The following IDO1 variants were observed in gnomAD, a reference collection of about 807,000 sequenced individuals.
The protein encoded by IDO1 is indoleamine 2,3-dioxygenase 1, also known as indolamine 2,3 dioxygenase.
A neutral mutation model predicts 38.8 loss-of-function variants in IDO1; 35 were observed. That is an observed-to-expected ratio of 0.90 (90% confidence interval 0.69 to 1.20). The LOEUF (loss-of-function observed/expected upper bound fraction) is 1.20. IDO1 is among the 50% of genes most tolerant of loss of function. The pLI is 0.00. For synonymous variants in IDO1, 171 were observed against 170.0 expected, an observed-to-expected ratio of 1.01 and a Z score of -0.05; for missense variants, 509 against 485.1, an observed-to-expected ratio of 1.05 and a Z score of -0.46.
At chr8:39,919,019 C>A in intron 4 of IDO1, 86 bp downstream of exon 4, 2 of 860,224 alleles carry the variant, frequency 2.3e-6, no homozygotes, top group Non-Finnish European at 4.0e-6. Flanking sequence ...TAATTTTGGG[C>A]AGCGCAGCTT....
At chr8:39,919,167 C>T (rs1436600104) in intron 4 of IDO1, 1 of 648,490 alleles carries the variant, frequency 1.5e-6, no homozygotes. Flanking sequence ...CTTAAGTGTT[C>T]AGCTTGAATT....
chr8:39,917,780 C>A, intron 1 of IDO1, 95 bp from the exon 2 acceptor site: 2 of 773,548 alleles, frequency 2.6e-6, no homozygotes, highest in Non-Finnish European at 4.3e-6. Context: ...GGCAACATTG[C>A]ACAGAATGGA....
intron 1 of IDO1, among the ~76,000 whole-genome samples, chr8:39,917,523 G>A (rs1158751121): frequency 6.6e-6 from 1 of 152,160 alleles, no homozygotes; most frequent in Non-Finnish European, 1.5e-5. Flanking sequence ...AAAAACCAAA[G>A]CAGCAGATAA....
At chr8:39,920,235 TTAAG>T (rs1563415650) in intron 5 of IDO1, 121 bp downstream of exon 5, 15 of 705,838 alleles carry the variant, frequency 2.1e-5, no homozygotes, top group Non-Finnish European at 2.4e-5. Flanking sequence ...AAAAAATAAT[TTAAG>T]TGACTATTTA....
chr8:39,925,514 C>G, intron 9 of IDO1, 143 bp downstream of exon 9: 1 of 810,618 alleles, frequency 1.2e-6, no homozygotes, highest in Admixed American at 3.2e-5. Flanking sequence ...ATTTGGTTGC[C>G]ATGATCCCAT....
At chr8:39,918,695 G>A (rs957564290) in intron 3 of IDO1, 120 bp from the exon 4 acceptor site, 37 of 593,374 alleles carry the variant, frequency 6.2e-5, no homozygotes, top group South Asian at 3.4e-4. Flanking sequence ...GCAGTGAGCC[G>A]AGATCCTGCC....
At chr8:39,925,409 T>A in intron 9 of IDO1, 38 bp downstream of exon 9, 1 of 1,569,848 alleles carries the variant, frequency 6.4e-7, no homozygotes, top group Non-Finnish European at 8.7e-7. Flanking sequence ...ATCTCTTATG[T>A]GAATACAATA....
In IDO1 at chr8:39,928,418, T is replaced by C. The variant is rs959271203; in HGVS notation, c.*233T>C. On this transcript the variant is annotated 3_prime_UTR_variant, in exon 10 of 10. Transcript: ENST00000518237. ...TCTTATCATTGGAATAAAATGACAT[T>C]CAATAAATAAAAATGCATAAGATAT... The C allele has an allele frequency of 2.3e-6, 1 of 436,108 alleles. No homozygotes were observed. The highest frequency in any genetic ancestry group is 2.0e-5 in the African/African-American group (1 of 50,308). The allele number at this position is 436,108 out of a possible 1,614,324, so 27.0% of individuals were successfully genotyped here.
At position 39,923,468 on chromosome 8, in the gene IDO1, G is replaced by C; in HGVS notation, c.538-1G>C. 6.5e-7 allele frequency: 1 copy of C among 1,528,302 alleles called. No homozygotes were observed. The highest frequency in any genetic ancestry group is 1.1e-5 in the South Asian group (1 of 89,118). 94.7% of individuals were successfully genotyped at this position (1,528,302 alleles called of 1,614,324 possible). A position where few individuals can be genotyped will look rare whatever the true frequency, so the allele number is the denominator to read the frequency against. On this transcript the variant is annotated splice_acceptor_variant, in intron 6 of 9. Coordinates refer to ENST00000518237, the MANE Select transcript of IDO1 (RefSeq NM_002164.6). LOFTEE classifies it high-confidence loss of function. Reference sequence around the variant, plus strand: ...GTTTGTGTTTTGTTTGTTTGTTTTAGGTAATTCCTACTGTATTCAAGGCAA... The same window carrying C: ...GTTTGTGTTTTGTTTGTTTGTTTTACGTAATTCCTACTGTATTCAAGGCAA...
At position 39,923,562 on chromosome 8, in the gene IDO1, C is replaced by G. The variant is rs1250011298; in HGVS notation, c.631C>G (p.Leu211Val). 1.2e-6 allele frequency: 2 copies of G among 1,611,552 alleles called. No homozygotes were observed. Among genetic ancestry groups the G allele is most frequent in the Non-Finnish European group, 1.7e-6 (2 of 1,177,774 alleles). The part of the protein sequence containing the change: ...LEIASCLEKA[L>V]QVFHQIHDHV... Reference sequence around the variant, plus strand: ...AATAGCTTCTTGCTTGGAGAAAGCCCTTCAAGTGTTTCACCAAATCCACGG... The same window carrying G: ...AATAGCTTCTTGCTTGGAGAAAGCCGTTCAAGTGTTTCACCAAATCCACGG... The change falls in exon 7 of 10, where the codon CTT (leucine) becomes GTT (valine). Residue 211 changes from leucine (L) to valine (V), a missense_variant. Leu to Val is a conservative substitution (Grantham distance 32, BLOSUM62 1). Coordinates refer to ENST00000518237, the MANE Select transcript of IDO1 (RefSeq NM_002164.6).
chr8:39,914,608 A>G (rs928254204), intron 1 of IDO1, among the ~76,000 whole-genome samples: 5 of 152,210 alleles, frequency 3.3e-5, no homozygotes, highest in Non-Finnish European at 5.9e-5. Flanking sequence ...GTTTGCCTTA[A>G]AAACTACATT....
chr8:39,925,429 T>G, intron 9 of IDO1, 58 bp downstream of exon 9: 1 of 1,494,014 alleles, frequency 6.7e-7, no homozygotes, highest in Non-Finnish European at 9.1e-7. Flanking sequence ...AGTATTTGGA[T>G]ATCTACAAAG....
At chr8:39,925,086 C>T in intron 8 of IDO1, 137 bp from the exon 9 acceptor site, 3 of 778,416 alleles carry the variant, frequency 3.9e-6, no homozygotes, top group East Asian at 2.7e-5. Context: ...TGAGCAGGGG[C>T]AAGGGGGTAT....
intron 1 of IDO1, among the ~76,000 whole-genome samples, chr8:39,917,671 G>T (rs1807194172): frequency 6.6e-6 from 1 of 152,220 alleles, no homozygotes; most frequent in Non-Finnish European, 1.5e-5. Flanking sequence ...AGTGTTTGAA[G>T]AGAGAGGAAG....
intron 5 of IDO1, among the ~76,000 whole-genome samples, chr8:39,921,127 A>C (rs1396567485): frequency 6.6e-6 from 1 of 152,240 alleles, no homozygotes; most frequent in Non-Finnish European, 1.5e-5. Flanking sequence ...GTGCGTTATC[A>C]AAGCTGAAGG....
At position 39,918,497 on chromosome 8, in the gene IDO1, G is replaced by A. The variant is rs546824766; in HGVS notation, c.303+290G>A. On this transcript the variant is annotated intron_variant, in intron 3 of 9. Coordinates refer to ENST00000518237, the MANE Select transcript of IDO1 (RefSeq NM_002164.6). ...CTTTAAAACACACATGGGCCTCCCA[G>A]CACTTTGAGAGGCCAAGGCCGGAGG... The A allele has an allele frequency of 1.7e-3, 804 of 462,396 alleles. 2 individuals carry two copies. The highest frequency in any genetic ancestry group is 2.8e-3 in the Non-Finnish European group (720 of 260,854). 28.6% of individuals were successfully genotyped at this position (462,396 alleles called of 1,614,324 possible).
At chr8:39,923,828 C>T (rs751887782) in intron 7 of IDO1, 20 of 291,938 alleles carry the variant, frequency 6.9e-5, no homozygotes, top group Admixed American at 1.0e-4. Flanking sequence ...GCGGTGAAGC[C>T]AGAGTTCCAA....
At chr8:39,919,526 C>G (rs1172513666) in intron 4 of IDO1, among the ~76,000 whole-genome samples, 1 of 152,072 alleles carries the variant, frequency 6.6e-6, no homozygotes, top group East Asian at 1.9e-4. Flanking sequence ...GATTTTTACC[C>G]ATTTAGGCAT....
Position 39,924,734 on chromosome 8 carries a change from A to G in IDO1, c.669A>G (p.Pro223=). Reference sequence around the variant, plus strand: ...ATCTTTTTACAGATCATGTGAACCCAAAAGCATTTTTCAGTGTTCTTCGCA... The same window carrying G: ...ATCTTTTTACAGATCATGTGAACCCGAAAGCATTTTTCAGTGTTCTTCGCA... ...VFHQIHDHVN[P]KAFFSVLRIY... The change falls in exon 8 of 10, where the codon CCA becomes CCG. Residue 223 remains proline (P), a synonymous_variant. Transcript: ENST00000518237. 4 of 1,608,476 alleles carry G rather than the reference A, an allele frequency of 2.5e-6. No individual in the cohort carries two copies. In the South Asian group the frequency reaches 4.4e-5, roughly 18 times the overall value.
Sources: allele counts gnomAD v4.1 joint callset (sites outside exome capture counted in the v4.1 genomes callset), GRCh38; gene constraint gnomAD v4.1.1; transcripts MANE v1.5; gene names NCBI Gene and HGNC (gene_info 2026-07-23, HGNC 2026-07-21).